Variants in NBAS observed in about 807,000 individuals in gnomAD.
NBAS encodes the protein NBAS subunit of NRZ tethering complex.
In NBAS, 219 loss-of-function variants were observed where a neutral mutation model predicts 302.5. That is an observed-to-expected ratio of 0.72 (90% CI 0.65 to 0.81). The LOEUF is 0.81. Ranked by LOEUF, NBAS falls within the 30% of genes least tolerant of loss-of-function variation. The pLI, the probability that NBAS is intolerant of heterozygous loss-of-function variation, is 0.00. For missense variants in NBAS, 2,932 were observed against 2,841.6 expected (o/e 1.03, Z -0.72); for synonymous variants, 1,118 against 1,021.6 (o/e 1.09, Z -1.80).
chr2:14,796,345 A>C, the NBAS span, among the ~76,000 whole-genome samples: 8 of 152,158 alleles, frequency 5.3e-5, no homozygotes, highest in East Asian at 1.5e-3. Flanking sequence ...TTCCATATGA[A>C]TTTTGGAACC....
At chr2:15,156,173 C>T in the NBAS span, among the ~76,000 whole-genome samples, 1 of 152,018 alleles carries the variant, frequency 6.6e-6, no homozygotes, top group East Asian at 1.9e-4. Flanking sequence ...CATGGGAGGG[C>T]AATGATGCTG....
chr2:15,066,109 G>T, the NBAS span, among the ~76,000 whole-genome samples: 8 of 151,748 alleles, frequency 5.3e-5, no homozygotes, highest in Non-Finnish European at 1.5e-5. Context: ...TTTGACAAGG[G>T]TGCCAAGACT....
chr2:15,150,055 C>T, the NBAS span, among the ~76,000 whole-genome samples: 9,737 of 127,790 alleles, frequency 0.076, 516 homozygotes, highest in East Asian at 0.28. Context: ...AGAGCCTGGG[C>T]AACCCTGTCT....
intron 9 of NBAS, among the ~76,000 whole-genome samples, chr2:15,519,159 T>G (rs76750678): frequency 1.3e-5 from 2 of 152,174 alleles, no homozygotes; most frequent in African/African-American, 2.4e-5. Context: ...CTTTCACCCA[T>G]TAACATTTAC....
At chr2:14,865,516 A>G in the NBAS span, among the ~76,000 whole-genome samples, 1 of 152,206 alleles carries the variant, frequency 6.6e-6, no homozygotes, top group Non-Finnish European at 1.5e-5. Context: ...GGGGAAGCTT[A>G]ATTTTCAACT....
At chr2:15,394,195 T>C in intron 28 of NBAS, 32 bp downstream of exon 28, 4 of 1,544,652 alleles carry the variant, frequency 2.6e-6, no homozygotes, top group Non-Finnish European at 3.5e-6. Context: ...TAAAATTAAT[T>C]GACCCAAGTA....
chr2:15,452,216 A>G (rs1346077240), intron 21 of NBAS, among the ~76,000 whole-genome samples: 1 of 152,218 alleles, frequency 6.6e-6, no homozygotes, highest in Non-Finnish European at 1.5e-5. Flanking sequence ...ACAATGTTGA[A>G]CTGTACACTT....
At chr2:15,557,847 C>A (rs141646063) in intron 2 of NBAS, among the ~76,000 whole-genome samples, 11 of 152,256 alleles carry the variant, frequency 7.2e-5, no homozygotes, top group African/African-American at 2.6e-4. Context: ...GCTCAGTAAA[C>A]CTAGTGCTCA....
At chr2:15,138,552 A>G in the NBAS span, among the ~76,000 whole-genome samples, 1 of 152,162 alleles carries the variant, frequency 6.6e-6, no homozygotes, top group South Asian at 2.1e-4. Flanking sequence ...GGCATGGGAC[A>G]AAGAGCCCAG....
intron 18 of NBAS, 26 bp downstream of exon 18, chr2:15,467,638 C>T (rs759906217): frequency 1.3e-6 from 2 of 1,596,380 alleles, no homozygotes; most frequent in South Asian, 2.2e-5. Flanking sequence ...AAGAAACTAT[C>T]AAATGAACAG....
chr2:14,848,494 TG>T, the NBAS span, among the ~76,000 whole-genome samples: 1 of 143,716 alleles, frequency 7.0e-6, no homozygotes, highest in Non-Finnish European at 1.5e-5. Context: ...GCAGCGAGGC[TG>T]GGGGAGGGGC....
At chr2:15,404,195 T>C (rs1369869367) in intron 25 of NBAS, among the ~76,000 whole-genome samples, 1 of 152,184 alleles carries the variant, frequency 6.6e-6, no homozygotes, top group Non-Finnish European at 1.5e-5. Flanking sequence ...ATAATTTGCC[T>C]GAACCCACAG....
intron 23 of NBAS, among the ~76,000 whole-genome samples, chr2:15,423,014 C>T (rs1432850589): frequency 2.0e-5 from 3 of 152,140 alleles, no homozygotes; most frequent in Admixed American, 2.0e-4. Flanking sequence ...TGTCTAGGTG[C>T]ACGTTACAAC....
chr2:15,210,307 C>T (rs781638171), intron 48 of NBAS, among the ~76,000 whole-genome samples: 17 of 151,876 alleles, frequency 1.1e-4, no homozygotes, highest in Admixed American at 4.6e-4. Context: ...AAAAAATGGG[C>T]GAAAATCTGA....
chr2:15,316,828 C>A (rs1558528272), intron 38 of NBAS, among the ~76,000 whole-genome samples: 1 of 152,228 alleles, frequency 6.6e-6, no homozygotes, highest in Non-Finnish European at 1.5e-5. Flanking sequence ...CAGACAACTT[C>A]TACAGACTTC....
rs549049827 is a variant in NBAS at position 15,230,809 on chromosome 2, G to A, written c.6236+1613C>T. ...CTGACAAGCTGGGAGTGAGATGGCA[G>A]TAGTGAGATGGGCCCTGGAAGGAGG... On this transcript the variant is annotated intron_variant, in intron 47 of 51. Coordinates refer to ENST00000281513, the MANE Select transcript of NBAS (RefSeq NM_015909.4). Among the ~76,000 whole-genome samples the A allele has an allele frequency of 2.1e-4, 32 of 152,310 alleles. 2 individuals carry two copies. The highest frequency in any genetic ancestry group is 7.7e-4 in the African/African-American group (32 of 41,572).
At chr2:15,181,620 C>T (rs772306386) in intron 50 of NBAS, among the ~76,000 whole-genome samples, 15 of 152,196 alleles carry the variant, frequency 9.9e-5, no homozygotes, top group Non-Finnish European at 2.2e-4. Flanking sequence ...GAGGACAGAA[C>T]GAACAAGAGA....
chr2:15,138,693 CA>C, the NBAS span, among the ~76,000 whole-genome samples: 134 of 142,866 alleles, frequency 9.4e-4, 1 homozygote, highest in Middle Eastern at 3.5e-3. Context: ...AGTAACTGGG[CA>C]AAAAAAAAAG....
At chr2:14,905,884 CCTT>C in the NBAS span, among the ~76,000 whole-genome samples, 2 of 152,104 alleles carry the variant, frequency 1.3e-5, no homozygotes. Context: ...TTCAAAAACA[CCTT>C]CTATCTCTAA....
Sources: allele counts gnomAD v4.1 joint callset (sites outside exome capture counted in the v4.1 genomes callset), GRCh38; gene constraint gnomAD v4.1.1; transcripts MANE v1.5; gene names NCBI Gene and HGNC (gene_info 2026-07-23, HGNC 2026-07-21).